GCLM: variants seen among roughly 807,000 people sequenced by gnomAD.
GCLM encodes the protein glutamate-cysteine ligase modifier subunit, also known as glutamate--cysteine ligase regulatory subunit.
A neutral mutation model predicts 36.0 loss-of-function variants in GCLM; 15 were observed. The observed-to-expected ratio is 0.42, with a 90% CI of 0.28 to 0.64. The LOEUF is 0.64. Among genes scored for constraint, GCLM ranks in the 30% least tolerant of loss-of-function variants. GCLM has a pLI of 0.25. For synonymous variants in GCLM, 129 were observed against 122.8 expected, an observed-to-expected ratio of 1.05 and a Z score of -0.34; for missense variants, 242 against 325.5, an observed-to-expected ratio of 0.74 and a Z score of 1.97.
chr1:93,909,266 G>A lies in GCLM; in HGVS notation c.-103C>T. On this transcript the variant is annotated 5_prime_UTR_variant, in exon 1 of 7. Coordinates refer to ENST00000370238, the MANE Select transcript of GCLM (RefSeq NM_002061.4). ...GGTGCCCGAGGCCCGAGAGAGACCC[G>A]AGAGGGAGCGCGAGGCTGCCGGCGC... is the stretch of plus-strand genomic sequence containing the variant. 3.7e-6 allele frequency: 4 copies of A among 1,072,586 alleles called. No homozygotes were observed. The highest frequency in any genetic ancestry group is 4.5e-6 in the Non-Finnish European group (4 of 887,800). The allele number at this position is 1,072,586 out of a possible 1,614,324, so 66.4% of individuals were successfully genotyped here. A position where few individuals can be genotyped will look rare whatever the true frequency, so the allele number is the denominator to read the frequency against.
chr1:93,894,934 A>G (rs1656672315), intron 5 of GCLM, among the ~76,000 whole-genome samples: 1 of 151,464 alleles, frequency 6.6e-6, no homozygotes, highest in Non-Finnish European at 1.5e-5. Context: ...GGGAATAGGA[A>G]TTCCCTATTA....
intron 2 of GCLM, among the ~76,000 whole-genome samples, chr1:93,902,286 C>G (rs1656980260): frequency 6.6e-6 from 1 of 150,790 alleles, no homozygotes; most frequent in African/African-American, 2.4e-5. Flanking sequence ...CACGCCATTC[C>G]TCCTGCCTCA....
intron 5 of GCLM, 89 bp downstream of exon 5, chr1:93,896,529 C>T: frequency 9.7e-7 from 1 of 1,034,344 alleles, no homozygotes; most frequent in East Asian, 2.4e-5. Flanking sequence ...GCAGGGGTGG[C>T]CACTATGTGC....
At chr1:93,890,710 T>G (rs1009659243) in intron 6 of GCLM, among the ~76,000 whole-genome samples, 1 of 152,132 alleles carries the variant, frequency 6.6e-6, no homozygotes, top group Admixed American at 6.5e-5. Context: ...ATGATGAACA[T>G]TTTAAAATGC....
chr1:93,902,213 T>C (rs999079892), intron 2 of GCLM, among the ~76,000 whole-genome samples: 13 of 152,200 alleles, frequency 8.5e-5, no homozygotes, highest in African/African-American at 3.1e-4. Flanking sequence ...AGTCTCGCTC[T>C]GTCGCCCAGG....
At chr1:93,896,152 A>T (rs1656725065) in intron 5 of GCLM, among the ~76,000 whole-genome samples, 1 of 151,582 alleles carries the variant, frequency 6.6e-6, no homozygotes, top group African/African-American at 2.4e-5. Context: ...TAGTAGAGAC[A>T]GGGTTTCACC....
chr1:93,889,402 G>C (rs1334080098), intron 6 of GCLM, among the ~76,000 whole-genome samples: 1 of 151,978 alleles, frequency 6.6e-6, no homozygotes, highest in East Asian at 1.9e-4. Context: ...TTGGTGAGTG[G>C]AGCCTAGACA....
chr1:93,908,994 G>A, intron 1 of GCLM, 44 bp downstream of exon 1: 1 of 1,397,844 alleles, frequency 7.2e-7, no homozygotes, highest in Non-Finnish European at 9.3e-7. Flanking sequence ...GGCCCCGCCC[G>A]AGGCCTGCCC....
intron 6 of GCLM, among the ~76,000 whole-genome samples, chr1:93,892,582 T>C (rs1421385210): frequency 6.6e-6 from 1 of 152,178 alleles, no homozygotes; most frequent in African/African-American, 2.4e-5. Flanking sequence ...GATAAGCCTA[T>C]ACATTTTCAC....
intron 2 of GCLM, among the ~76,000 whole-genome samples, chr1:93,902,517 T>C (rs1393702355): frequency 1.3e-5 from 2 of 151,462 alleles, no homozygotes; most frequent in East Asian, 1.9e-4. Context: ...TTTAGAGCAG[T>C]TTTAGGTTCA....
At chr1:93,897,081 C>T (rs1417145722) in intron 4 of GCLM, among the ~76,000 whole-genome samples, 2 of 152,192 alleles carry the variant, frequency 1.3e-5, no homozygotes, top group Non-Finnish European at 2.9e-5. Flanking sequence ...GCAGCTACTA[C>T]TACATGCTCC....
chr1:93,902,296 A>G (rs1656980629), intron 2 of GCLM, among the ~76,000 whole-genome samples: 1 of 151,740 alleles, frequency 6.6e-6, no homozygotes, highest in South Asian at 2.1e-4. Flanking sequence ...CTCCTGCCTC[A>G]GTGTCCCGAG....
intron 6 of GCLM, among the ~76,000 whole-genome samples, chr1:93,892,215 T>C (rs1333230597): frequency 6.6e-6 from 1 of 152,150 alleles, no homozygotes; most frequent in Non-Finnish European, 1.5e-5. Context: ...ATTACACTTC[T>C]AGAACAAAGG....
In GCLM at chr1:93,904,565, G is replaced by A. The variant is rs368031229; in HGVS notation, c.150C>T (p.Thr50=). ...TGATTTGGGAACTCCATTCATTCAA[G>A]GTTTTTTGGATACAATCATGAAGCT... ...SEELHDCIQK[T]LNEWSSQINP... is the part of the protein sequence containing the mutation. Residue 50 remains threonine, a synonymous_variant, in exon 2 of 7, where the codon ACC becomes ACT. Coordinates refer to ENST00000370238, the MANE Select transcript of GCLM (RefSeq NM_002061.4). The A allele has an allele frequency of 5.2e-5, 83 of 1,611,370 alleles. No homozygotes were observed. The highest frequency in any genetic ancestry group is 7.0e-5 in the Non-Finnish European group (82 of 1,177,838).
chr1:93,896,821 C>T lies in GCLM; in HGVS notation c.338-1G>A. 1.3e-6 allele frequency: 2 copies of T among 1,549,786 alleles called. No homozygotes were observed. The highest frequency in any genetic ancestry group is 1.8e-6 in the Non-Finnish European group (2 of 1,121,498). ...TGTGCAACTCCAAGGACTGAACAGG[C>T]TGATAGGAAGGAAGACACAAAGAAA... is the stretch of plus-strand genomic sequence containing the variant. On this transcript the variant is annotated splice_acceptor_variant, in intron 4 of 6. Coordinates refer to ENST00000370238, the MANE Select transcript of GCLM (RefSeq NM_002061.4). LOFTEE classifies it high-confidence loss of function.
chr1:93,896,948 T>C (rs921638489), intron 4 of GCLM, 128 bp from the exon 5 acceptor site: 1 of 633,648 alleles, frequency 1.6e-6, no homozygotes, highest in Non-Finnish European at 2.8e-6. Flanking sequence ...ACAGATTATT[T>C]CATAGTTTAC....
rs1286088718 is a variant in GCLM at position 93,892,609 on chromosome 1, A to T, written c.655+2005T>A. 2.0e-5 allele frequency among the ~76,000 whole-genome samples: 3 copies of T among 152,196 alleles called. No homozygotes were observed. In the East Asian group the frequency reaches 5.8e-4, roughly 29 times the overall value. On this transcript the variant is annotated intron_variant, in intron 6 of 6. Coordinates refer to ENST00000370238, the MANE Select transcript of GCLM (RefSeq NM_002061.4). ...CATTTTCACCAAAAGTCTTAGAATT[A>T]AAAAAGACAACTAAGTATCAAATTA...
intron 3 of GCLM, among the ~76,000 whole-genome samples, chr1:93,900,547 A>C (rs533785275): frequency 1.3e-5 from 2 of 152,296 alleles, no homozygotes; most frequent in East Asian, 1.9e-4. Flanking sequence ...TTGTATGACA[A>C]CCTTCAAGTT....
At chr1:93,898,841 T>C (rs1377939603) in intron 3 of GCLM, among the ~76,000 whole-genome samples, 1 of 152,132 alleles carries the variant, frequency 6.6e-6, no homozygotes, top group Non-Finnish European at 1.5e-5. Flanking sequence ...CCAGGGGCTC[T>C]TGAACTCCCG....
Sources: allele counts gnomAD v4.1 joint callset (sites outside exome capture counted in the v4.1 genomes callset), GRCh38; gene constraint gnomAD v4.1.1; transcripts MANE v1.5; gene names NCBI Gene and HGNC (gene_info 2026-07-23, HGNC 2026-07-21).